SLC38A12: variants seen among roughly 807,000 people sequenced by gnomAD.
The protein encoded by SLC38A12 is putative sodium-coupled neutral amino acid transporter 12.
the SLC38A12 span, among the ~76,000 whole-genome samples, chr17:74,808,189 G>T: frequency 6.6e-6 from 1 of 152,252 alleles, no homozygotes; most frequent in Non-Finnish European, 1.5e-5. Context: ...CACTGGGCCA[G>T]CCCAGTCCTG....
At chr17:74,789,957 T>TTTTTTG in the SLC38A12 span, among the ~76,000 whole-genome samples, 1 of 148,576 alleles carries the variant, frequency 6.7e-6, no homozygotes, top group African/African-American at 2.6e-5. Context: ...GTTTTTTTGT[T>TTTTTTG]TTTTTGTTTT....
At chr17:74,834,510 T>C in the SLC38A12 span, among the ~76,000 whole-genome samples, 29 of 152,348 alleles carry the variant, frequency 1.9e-4, no homozygotes, top group East Asian at 3.5e-3. Flanking sequence ...CCCAGTGTCA[T>C]TGTGGGAAGA....
the SLC38A12 span, among the ~76,000 whole-genome samples, chr17:74,808,050 A>G: frequency 6.6e-6 from 1 of 152,132 alleles, no homozygotes; most frequent in Non-Finnish European, 1.5e-5. Flanking sequence ...CCCCTAAACC[A>G]CAAGGGTTGC....
chr17:74,835,968 C>T, the SLC38A12 span: 1 of 1,611,640 alleles, frequency 6.2e-7, no homozygotes, highest in Non-Finnish European at 8.5e-7. Context: ...CCGCATCGGG[C>T]ACGGACAAGG....
chr17:74,791,040 G>T, the SLC38A12 span: 3 of 1,612,984 alleles, frequency 1.9e-6, no homozygotes, highest in Non-Finnish European at 2.5e-6. Context: ...AATAAAGGTA[G>T]AAGTTCTTTT....
At chr17:74,777,514 G>T in the SLC38A12 span, 156 of 1,541,586 alleles carry the variant, frequency 1.0e-4, no homozygotes, top group Non-Finnish European at 1.3e-4. Flanking sequence ...GAGTTCCATG[G>T]GGCAGCGACT....
At chr17:74,837,808 C>T in the SLC38A12 span, 1 of 986,012 alleles carries the variant, frequency 1.0e-6, no homozygotes, top group Non-Finnish European at 1.2e-6. Flanking sequence ...CGAATGAACT[C>T]TGCATTTTCA....
the SLC38A12 span, among the ~76,000 whole-genome samples, chr17:74,830,754 C>T: frequency 6.6e-6 from 1 of 152,232 alleles, no homozygotes; most frequent in Non-Finnish European, 1.5e-5. Context: ...GGACTCGTGC[C>T]TGTTTTATCT....
chr17:74,825,946 C>T, the SLC38A12 span, among the ~76,000 whole-genome samples: 1 of 152,202 alleles, frequency 6.6e-6, no homozygotes, highest in Non-Finnish European at 1.5e-5. Flanking sequence ...TGCTCGGTGC[C>T]ACCTTTCATC....
At chr17:74,816,828 G>A in the SLC38A12 span, among the ~76,000 whole-genome samples, 2 of 152,150 alleles carry the variant, frequency 1.3e-5, no homozygotes, top group Admixed American at 6.5e-5. Flanking sequence ...TCAGGAGCCA[G>A]CTAATTTATA....
chr17:74,782,889 A>G, the SLC38A12 span, among the ~76,000 whole-genome samples: 4 of 152,138 alleles, frequency 2.6e-5, no homozygotes, highest in African/African-American at 4.8e-5. Flanking sequence ...CAGCACTTTG[A>G]AAGGTCGAGG....
At chr17:74,794,892 C>A in the SLC38A12 span, 1 of 799,878 alleles carries the variant, frequency 1.3e-6, no homozygotes. Flanking sequence ...AGAAAGTAAA[C>A]AGCTCAGAGA....
At chr17:74,838,591 T>A in the SLC38A12 span, 1 of 1,247,800 alleles carries the variant, frequency 8.0e-7, no homozygotes, top group East Asian at 4.0e-5. Flanking sequence ...TGGAGGGAAC[T>A]GGCCAGCAGT....
chr17:74,833,916 CA>C, the SLC38A12 span, among the ~76,000 whole-genome samples: 1 of 152,162 alleles, frequency 6.6e-6, no homozygotes, highest in Non-Finnish European at 1.5e-5. Flanking sequence ...TCCTGAATAA[CA>C]AATCACCAGG....
the SLC38A12 span, among the ~76,000 whole-genome samples, chr17:74,795,292 G>A: frequency 3.3e-5 from 5 of 152,202 alleles, no homozygotes; most frequent in East Asian, 9.6e-4. Flanking sequence ...CTTAGCTCAT[G>A]TCACTGTCCC....
At chr17:74,826,717 C>G in the SLC38A12 span, among the ~76,000 whole-genome samples, 1 of 152,228 alleles carries the variant, frequency 6.6e-6, no homozygotes, top group South Asian at 2.1e-4. Flanking sequence ...CAAGTGTAGG[C>G]AGGTGCCACC....
the SLC38A12 span, chr17:74,791,060 G>A: frequency 1.2e-6 from 2 of 1,607,436 alleles, no homozygotes; most frequent in Admixed American, 3.3e-5. Flanking sequence ...TGGGGGTGGG[G>A]TGTGGGGAAA....
At chr17:74,821,600 C>T in the SLC38A12 span, among the ~76,000 whole-genome samples, 2 of 152,232 alleles carry the variant, frequency 1.3e-5, no homozygotes, top group African/African-American at 4.8e-5. Context: ...CTCAGCCGTC[C>T]ACCCTTCCTA....
At chr17:74,796,370 GAC>G in the SLC38A12 span, among the ~76,000 whole-genome samples, 1 of 152,228 alleles carries the variant, frequency 6.6e-6, no homozygotes, top group Non-Finnish European at 1.5e-5. Context: ...TGTGCTAGGT[GAC>G]ACACAGTTTG....
Sources: gnomAD v4.1 joint callset for allele counts (sites outside exome capture counted in the v4.1 genomes callset) on GRCh38, gnomAD v4.1.1 for gene constraint, MANE v1.5 for transcripts, NCBI Gene and HGNC (gene_info 2026-07-23, HGNC 2026-07-21) for gene names.